The following PIK3CB variants were observed in gnomAD, a reference collection of about 807,000 sequenced individuals.
The protein encoded by PIK3CB is phosphatidylinositol 4,5-bisphosphate 3-kinase catalytic subunit beta isoform.
PIK3CB carries 39 observed loss-of-function variants against 136.8 expected under a neutral mutation model. That is an observed-to-expected ratio of 0.29 (90% confidence interval 0.22 to 0.37). The LOEUF (loss-of-function observed/expected upper bound fraction) is 0.37. PIK3CB is among the 10% of genes least tolerant of loss of function. The probability of loss-of-function intolerance (pLI) is 1.00; values close to 1 mark genes in which losing one functional copy is unlikely to be tolerated. For synonymous variants in PIK3CB, 428 were observed against 436.6 expected, an observed-to-expected ratio of 0.98 and a Z score of 0.25; for missense variants, 868 against 1,275.4, an observed-to-expected ratio of 0.68 and a Z score of 4.87.
At chr3:138,682,607 G>A (rs563532608) in intron 18 of PIK3CB, among the ~76,000 whole-genome samples, 3 of 152,248 alleles carry the variant, frequency 2.0e-5, no homozygotes, top group East Asian at 1.9e-4. Context: ...ACTGCATCAC[G>A]AGGTCACAAA....
intron 1 of PIK3CB, among the ~76,000 whole-genome samples, chr3:138,806,516 C>T (rs985276202): frequency 6.6e-6 from 1 of 152,012 alleles, no homozygotes; most frequent in Non-Finnish European, 1.5e-5. Context: ...ATATTATTCA[C>T]CCACATGATA....
At chr3:138,694,420 C>T (rs1559820237) in intron 14 of PIK3CB, among the ~76,000 whole-genome samples, 1 of 152,114 alleles carries the variant, frequency 6.6e-6, no homozygotes, top group Non-Finnish European at 1.5e-5. Context: ...CTCTTACAAG[C>T]TTATGTATGC....
chr3:138,728,965 G>A (rs547806225), intron 8 of PIK3CB, among the ~76,000 whole-genome samples: 1 of 152,192 alleles, frequency 6.6e-6, no homozygotes, highest in East Asian at 1.9e-4. Context: ...AATGAATGCT[G>A]TCCTTTAAGA....
chr3:138,692,241 TTAG>T (rs1283020409), intron 14 of PIK3CB, among the ~76,000 whole-genome samples: 1 of 152,178 alleles, frequency 6.6e-6, no homozygotes, highest in Non-Finnish European at 1.5e-5. Flanking sequence ...GGTTAAGGAA[TTAG>T]TAGTCTAAGG....
At chr3:138,701,742 T>C (rs1286164823) in intron 12 of PIK3CB, among the ~76,000 whole-genome samples, 7 of 142,686 alleles carry the variant, frequency 4.9e-5, no homozygotes, top group African/African-American at 1.1e-4. Flanking sequence ...GCTGAGATCA[T>C]GCCACTGCAC....
At chr3:138,715,969 C>T (rs552540788) in intron 8 of PIK3CB, among the ~76,000 whole-genome samples, 1 of 151,740 alleles carries the variant, frequency 6.6e-6, no homozygotes, top group Non-Finnish European at 1.5e-5. Flanking sequence ...TATTAAAAAG[C>T]TATCAGAATA....
intron 4 of PIK3CB, among the ~76,000 whole-genome samples, chr3:138,748,153 TCATA>T (rs774482249): frequency 2.7e-5 from 2 of 73,532 alleles, no homozygotes; most frequent in East Asian, 7.6e-4. Context: ...TTATTAGAAA[TCATA>T]CACACACACA....
rs1577045997 is a variant in PIK3CB at position 138,665,174 on chromosome 3, C to T, written c.2534G>A (p.Gly845Glu). ...RMLPYGCLAT[G>E]DRSGLIEVVS... ...AACTTCAATGAGGCCAGAGCGATCTCCTGTTGCTAAACAGCCATAAGGCAA... is the reference window on the plus strand; with the variant it reads ...AACTTCAATGAGGCCAGAGCGATCTTCTGTTGCTAAACAGCCATAAGGCAA... The change falls in exon 20 of 24, where the codon GGA becomes GAA. Residue 845 changes from glycine to glutamate, a missense_variant. Transcript: ENST00000674063. 6.2e-7 allele frequency: 1 copy of T among 1,608,214 alleles called. No individual in the cohort carries two copies. Among genetic ancestry groups the T allele is most frequent in the Non-Finnish European group, 8.5e-7 (1 of 1,176,822 alleles).
At chr3:138,811,528 C>T (rs1933059391) in intron 1 of PIK3CB, among the ~76,000 whole-genome samples, 1 of 151,110 alleles carries the variant, frequency 6.6e-6, no homozygotes, top group African/African-American at 2.4e-5. Context: ...CAGGTTCAAG[C>T]GATTCTCCTG....
At chr3:138,712,334 T>G (rs779764879) in intron 9 of PIK3CB, 30 bp from the exon 10 acceptor site, 13 of 1,045,882 alleles carry the variant, frequency 1.2e-5, no homozygotes, top group South Asian at 8.2e-5. Flanking sequence ...TGCATAAATA[T>G]GCTAAGAATA....
At chr3:138,802,380 A>C (rs1409891956) in intron 1 of PIK3CB, among the ~76,000 whole-genome samples, 1 of 151,766 alleles carries the variant, frequency 6.6e-6, no homozygotes, top group Non-Finnish European at 1.5e-5. Context: ...CATCTCAAAA[A>C]AAAAAGAAAG....
intron 13 of PIK3CB, among the ~76,000 whole-genome samples, chr3:138,696,789 C>T (rs1294628040): frequency 6.6e-6 from 1 of 152,100 alleles, no homozygotes; most frequent in Non-Finnish European, 1.5e-5. Flanking sequence ...CCTAATGGAC[C>T]AGCAGTCTTC....
intron 23 of PIK3CB, among the ~76,000 whole-genome samples, chr3:138,655,901 G>C (rs1047189008): frequency 2.6e-5 from 4 of 152,162 alleles, no homozygotes; most frequent in Non-Finnish European, 5.9e-5. Context: ...GAGTAAGAAG[G>C]CTACAGCCCA....
At chr3:138,735,765 T>C (rs2045089439) in intron 6 of PIK3CB, among the ~76,000 whole-genome samples, 1 of 152,156 alleles carries the variant, frequency 6.6e-6, no homozygotes, top group Non-Finnish European at 1.5e-5. Context: ...GAATTTCCTA[T>C]ACAGATCCAG....
At chr3:138,819,515 AT>A (rs1488107731) in intron 1 of PIK3CB, among the ~76,000 whole-genome samples, 4 of 152,238 alleles carry the variant, frequency 2.6e-5, no homozygotes, top group Non-Finnish European at 5.9e-5. Flanking sequence ...TGCCATTTTT[AT>A]ATTTTGTTTA....
chr3:138,824,927 T>C (rs1040928781), intron 1 of PIK3CB: 1 of 147,626 alleles, frequency 6.8e-6, no homozygotes, highest in Non-Finnish European at 1.4e-5. Flanking sequence ...TAGCTGGGCA[T>C]AATGGTGCAT....
chr3:138,657,081 C>T (rs536264000), intron 22 of PIK3CB, among the ~76,000 whole-genome samples: 22 of 151,996 alleles, frequency 1.4e-4, no homozygotes, highest in African/African-American at 4.6e-4. Context: ...ACCATCCAAT[C>T]GTATCCCCTT....
intron 19 of PIK3CB, among the ~76,000 whole-genome samples, chr3:138,676,551 G>A (rs1029801523): frequency 2.0e-5 from 3 of 152,178 alleles, no homozygotes; most frequent in African/African-American, 7.2e-5. Flanking sequence ...ATTTATCTAT[G>A]TATAGTTTTA....
chr3:138,748,508 A>C (rs542079697), intron 4 of PIK3CB, among the ~76,000 whole-genome samples: 1 of 152,240 alleles, frequency 6.6e-6, no homozygotes, highest in African/African-American at 2.4e-5. Flanking sequence ...TATTTCTACA[A>C]ACCTATGGAT....
Sources: gnomAD v4.1 joint callset for allele counts (sites outside exome capture counted in the v4.1 genomes callset) on GRCh38, gnomAD v4.1.1 for gene constraint, MANE v1.5 for transcripts, NCBI Gene and HGNC (gene_info 2026-07-23, HGNC 2026-07-21) for gene names.